MAP3K15: variants seen among roughly 807,000 people sequenced by gnomAD.
MAP3K15 encodes mitogen-activated protein kinase kinase kinase 15, also known as MAPK/ERK kinase kinase 15.
MAP3K15 carries 124 observed loss-of-function variants against 99.5 expected under a neutral mutation model. The observed-to-expected ratio is 1.25, with a 90% confidence interval of 1.08 to 1.45. MAP3K15 has a LOEUF of 1.45. Ranked by LOEUF, MAP3K15 falls within the 40% of genes most tolerant of loss-of-function variation. The pLI is 0.00. For synonymous variants in MAP3K15, 494 were observed against 439.6 expected (o/e 1.12, Z -1.55); for missense variants, 1,242 against 1,079.7 (o/e 1.15, Z -2.11).
At chrX:19,489,531 G>GC (rs2064352629) in intron 1 of MAP3K15, among the ~76,000 whole-genome samples, 1 of 110,946 alleles carries the variant, frequency 9.0e-6, no homozygotes, top group African/African-American at 3.3e-5. Flanking sequence ...TGAAGATGAG[G>GC]CCTTTGGGAG....
At chrX:19,372,398 G>T (rs1176422228) in intron 22 of MAP3K15, among the ~76,000 whole-genome samples, 1 of 112,031 alleles carries the variant, frequency 8.9e-6, no homozygotes, top group East Asian at 2.8e-4. Flanking sequence ...TTTCACCAGG[G>T]GGCAGCACCG....
At chrX:19,457,207 G>A (rs978275004) in intron 5 of MAP3K15, among the ~76,000 whole-genome samples, 188 bp from the exon 6 acceptor site, 3 of 111,967 alleles carry the variant, frequency 2.7e-5, no homozygotes, top group African/African-American at 9.8e-5. Context: ...ATGGATGAGA[G>A]AGAGAAGAAC....
chrX:19,406,302 G>A (rs753702120), intron 13 of MAP3K15, among the ~76,000 whole-genome samples: 43 of 112,594 alleles, frequency 3.8e-4, no homozygotes, highest in African/African-American at 1.2e-3. Context: ...ATTCATAATT[G>A]TCAAAAAGTG....
intron 1 of MAP3K15, among the ~76,000 whole-genome samples, chrX:19,492,499 G>A (rs755207047): frequency 1.8e-5 from 2 of 111,143 alleles, no homozygotes; most frequent in East Asian, 2.8e-4. Context: ...AAGGATGCAC[G>A]TCTATACTGA....
rs2063302158 is a variant in MAP3K15 at position 19,362,796 on chromosome X, T to A, written c.3621A>T (p.Gln1207His). The change falls in exon 26 of 29, where the codon CAA becomes CAT. Residue 1207 changes from glutamine (Q) to histidine (H), a missense_variant. Coordinates refer to ENST00000338883, the MANE Select transcript of MAP3K15 (RefSeq NM_001001671.4). ...ATTCTTGAGTTTTCTGTTCTAGAGT[T>A]TGCCGCAGAAGATTCTGGTACTCTC... The part of the protein sequence containing the change: ...KEREYQNLLR[Q>H]TLEQKTQELY... 2 of 1,200,968 alleles carry A rather than the reference T, an allele frequency of 1.7e-6. No homozygotes were observed. The highest frequency in any genetic ancestry group is 2.3e-6 in the Non-Finnish European group (2 of 887,735).
At chrX:19,452,684 G>GA (rs1299777506) in intron 6 of MAP3K15, among the ~76,000 whole-genome samples, 1 of 112,123 alleles carries the variant, frequency 8.9e-6, no homozygotes, top group Non-Finnish European at 1.9e-5. Flanking sequence ...CTACAACCAT[G>GA]AATGAACCTT....
intron 9 of MAP3K15, among the ~76,000 whole-genome samples, chrX:19,422,958 C>T (rs2063798786): frequency 1.0e-5 from 1 of 99,953 alleles, no homozygotes; most frequent in African/African-American, 3.8e-5. Flanking sequence ...TGTTCTCACT[C>T]ATAGGTGGGA....
At chrX:19,416,913 C>T (rs2063740887) in intron 9 of MAP3K15, among the ~76,000 whole-genome samples, 1 of 111,913 alleles carries the variant, frequency 8.9e-6, no homozygotes, top group Non-Finnish European at 1.9e-5. Flanking sequence ...GACAAAATTT[C>T]AAACTCATTT....
rs780293626 is a variant in MAP3K15 at position 19,491,540 on chromosome X, T to C, written c.362-2573A>G. 4.6e-5 allele frequency among the ~76,000 whole-genome samples: 5 copies of C among 109,554 alleles called. No homozygotes were observed. In the South Asian group the frequency reaches 2.0e-3, roughly 44 times the overall value. ...CGGTGCATTAACAGAAGCCAGCTAG[T>C]GCAAGGGGCCAGCAGCAAGCCAGGG... On this transcript the variant is annotated intron_variant, in intron 1 of 28. Coordinates refer to ENST00000338883, the MANE Select transcript of MAP3K15 (RefSeq NM_001001671.4).
chrX:19,382,257 A>T (rs2063463445), intron 18 of MAP3K15, among the ~76,000 whole-genome samples: 1 of 108,527 alleles, frequency 9.2e-6, no homozygotes, highest in Non-Finnish European at 1.9e-5. Context: ...AAAAAAAAAA[A>T]AAAAAAAAAA....
Position 19,380,276 on chromosome X carries a change from G to A in MAP3K15, c.2433C>T (p.Gly811=). 1.7e-6 allele frequency: 2 copies of A among 1,208,159 alleles called. No homozygotes were observed. The highest frequency in any genetic ancestry group is 1.8e-5 in the South Asian group (1 of 56,283). ...TCTCAGGTGCCATGTACTGCAGGGT[G>A]CCTATTTGGAAAACAAACAAACAGG... ...GVNPCTETFT[G]TLQYMAPEII... Residue 811 remains glycine, a splice_region_variant and synonymous_variant, in exon 19 of 29, where the codon GGC becomes GGT. Coordinates refer to ENST00000338883, the MANE Select transcript of MAP3K15 (RefSeq NM_001001671.4).
In MAP3K15 at chrX:19,469,390, C is replaced by A. The variant is rs746212340; in HGVS notation, c.526-4984G>T. Among the ~76,000 whole-genome samples the A allele has an allele frequency of 2.5e-3, 275 of 111,490 alleles. 2 individuals are homozygous for A. Among genetic ancestry groups the A allele is most frequent in the Middle Eastern group, 4.7e-3 (1 of 214 alleles). On this transcript the variant is annotated intron_variant, in intron 3 of 28. Coordinates refer to ENST00000338883, the MANE Select transcript of MAP3K15 (RefSeq NM_001001671.4). ...GGATCCCTTCCTTACACCTTATACACAAATTAATTCAAGATGGATTAGAGA... is the reference window on the plus strand; with the variant it reads ...GGATCCCTTCCTTACACCTTATACAAAAATTAATTCAAGATGGATTAGAGA...
At chrX:19,420,722 C>T (rs1345882053) in intron 9 of MAP3K15, among the ~76,000 whole-genome samples, 5 of 111,672 alleles carry the variant, frequency 4.5e-5, no homozygotes, top group Non-Finnish European at 9.4e-5. Flanking sequence ...CTGGCAGAGA[C>T]ACAACCAAAA....
intron 3 of MAP3K15, among the ~76,000 whole-genome samples, chrX:19,480,345 A>G (rs974117373): frequency 5.4e-5 from 6 of 111,228 alleles, no homozygotes; most frequent in African/African-American, 2.0e-4. Flanking sequence ...TTGAAAAAGA[A>G]CAAAGTTAGA....
chrX:19,460,775 A>G (rs754980887), intron 4 of MAP3K15, among the ~76,000 whole-genome samples: 4 of 97,974 alleles, frequency 4.1e-5, no homozygotes, highest in Non-Finnish European at 8.3e-5. Context: ...TTTTTTTTTT[A>G]TTTTTATTTA....
At chrX:19,410,357 C>T (rs1389004622) in intron 11 of MAP3K15, among the ~76,000 whole-genome samples, 3 of 112,283 alleles carry the variant, frequency 2.7e-5, no homozygotes, top group Admixed American at 1.9e-4. Flanking sequence ...GGCAAGACTG[C>T]GACAGACACC....
chrX:19,429,817 A>G (rs1384684786), intron 7 of MAP3K15, among the ~76,000 whole-genome samples: 10 of 94,147 alleles, frequency 1.1e-4, no homozygotes, highest in Non-Finnish European at 8.3e-5. Flanking sequence ...AGAGAGAGAG[A>G]GAGAGGAAGC....
At chrX:19,439,122 A>C (rs1224875752) in intron 6 of MAP3K15, among the ~76,000 whole-genome samples, 1 of 111,227 alleles carries the variant, frequency 9.0e-6, no homozygotes, top group East Asian at 2.8e-4. Flanking sequence ...GCTCAAACCC[A>C]GAAGGTGAAG....
At chrX:19,424,375 C>A (rs2063814301) in intron 9 of MAP3K15, among the ~76,000 whole-genome samples, 1 of 108,654 alleles carries the variant, frequency 9.2e-6, no homozygotes. Context: ...GTGCAACATG[C>A]AGGTTTGTTA....
Sources: gnomAD v4.1 joint callset for allele counts (sites outside exome capture counted in the v4.1 genomes callset) on GRCh38, gnomAD v4.1.1 for gene constraint, MANE v1.5 for transcripts, NCBI Gene and HGNC (gene_info 2026-07-23, HGNC 2026-07-21) for gene names.